CLXN: variants seen among roughly 807,000 people sequenced by gnomAD.
CLXN encodes calaxin.
chr8:48,721,347 T>C, the CLXN span, among the ~76,000 whole-genome samples: 6 of 151,642 alleles, frequency 4.0e-5, no homozygotes, highest in Non-Finnish European at 7.3e-5. Flanking sequence ...ATTCATGAAT[T>C]GGAAGAATTT....
the CLXN span, among the ~76,000 whole-genome samples, chr8:48,732,496 A>G: frequency 6.6e-6 from 1 of 152,196 alleles, no homozygotes; most frequent in African/African-American, 2.4e-5. Flanking sequence ...AGATTCAGCA[A>G]ATAAATAGTA....
chr8:48,715,478 ACC>A, the CLXN span: 3 of 152,160 alleles, frequency 2.0e-5, no homozygotes, highest in Non-Finnish European at 4.4e-5. Flanking sequence ...CTCATCTTCT[ACC>A]CTGGCACAGC....
At chr8:48,731,406 T>C in the CLXN span, 1 of 1,613,478 alleles carries the variant, frequency 6.2e-7, no homozygotes, top group East Asian at 2.2e-5. Flanking sequence ...TGTTTCGAAA[T>C]GCATTACGAT....
At chr8:48,731,515 A>C in the CLXN span, 1 of 1,578,758 alleles carries the variant, frequency 6.3e-7, no homozygotes, top group African/African-American at 1.4e-5. Context: ...TGAAATAATA[A>C]AATAGATATA....
At chr8:48,715,549 A>T in the CLXN span, 1 of 152,254 alleles carries the variant, frequency 6.6e-6, no homozygotes, top group Non-Finnish European at 1.5e-5. Context: ...AAAGGAGAGC[A>T]GAAGTCCAGT....
At chr8:48,734,805 C>T in the CLXN span, 20 of 402,562 alleles carry the variant, frequency 5.0e-5, no homozygotes, top group Non-Finnish European at 8.0e-5. Context: ...GCTAACATCA[C>T]ATGTTTCTAT....
At chr8:48,729,363 A>T in the CLXN span, among the ~76,000 whole-genome samples, 68 of 147,740 alleles carry the variant, frequency 4.6e-4, no homozygotes, top group South Asian at 6.5e-4. Context: ...CATCTCTATT[A>T]AAAAAAAAAA....
At chr8:48,719,775 A>G in the CLXN span, among the ~76,000 whole-genome samples, 1 of 152,200 alleles carries the variant, frequency 6.6e-6, no homozygotes, top group East Asian at 1.9e-4. Context: ...CCTCAACACA[A>G]GAAAGGCCAT....
chr8:48,719,706 A>G, the CLXN span, among the ~76,000 whole-genome samples: 1 of 152,244 alleles, frequency 6.6e-6, no homozygotes, highest in Non-Finnish European at 1.5e-5. Context: ...AGCATTTAAC[A>G]AAGTTCACCA....
chr8:48,726,759 A>T, the CLXN span, among the ~76,000 whole-genome samples: 1 of 143,064 alleles, frequency 7.0e-6, no homozygotes, highest in East Asian at 2.2e-4. Flanking sequence ...CCATCCATCC[A>T]TCTACCCACT....
chr8:48,724,812 A>C, the CLXN span: 1 of 1,609,416 alleles, frequency 6.2e-7, no homozygotes, highest in Non-Finnish European at 8.5e-7. Flanking sequence ...CTGTAAAAAA[A>C]GGTACTCAAT....
the CLXN span, among the ~76,000 whole-genome samples, chr8:48,725,374 G>A: frequency 2.6e-5 from 4 of 152,330 alleles, no homozygotes; most frequent in South Asian, 8.3e-4. Flanking sequence ...AAGAAGCTAG[G>A]TTTTAAGAAG....
the CLXN span, chr8:48,729,109 T>C: frequency 1.2e-6 from 2 of 1,613,562 alleles, no homozygotes; most frequent in East Asian, 4.5e-5. Context: ...AGCCAGTTCA[T>C]AGTCTGCAAA....
chr8:48,730,318 G>A, the CLXN span, among the ~76,000 whole-genome samples: 5,668 of 152,100 alleles, frequency 0.037, 340 homozygotes, highest in African/African-American at 0.13. Context: ...GTCTTCCTTC[G>A]CATAAATTAC....
the CLXN span, chr8:48,731,306 T>C: frequency 1.3e-6 from 2 of 1,546,788 alleles, no homozygotes; most frequent in South Asian, 1.3e-5. Context: ...TTTTTTCAGT[T>C]ATGGCTGGAT....
At chr8:48,721,209 A>T in the CLXN span, among the ~76,000 whole-genome samples, 1 of 152,190 alleles carries the variant, frequency 6.6e-6, no homozygotes, top group Non-Finnish European at 1.5e-5. Flanking sequence ...CTCATTCCTA[A>T]TAGCAGCAAA....
At chr8:48,729,624 G>T in the CLXN span, 1 of 1,165,680 alleles carries the variant, frequency 8.6e-7, no homozygotes, top group Non-Finnish European at 1.2e-6. Flanking sequence ...ATTTAAGCAA[G>T]CAGAGAACTG....
the CLXN span, chr8:48,729,293 G>T: frequency 1.6e-6 from 1 of 626,014 alleles, no homozygotes. Flanking sequence ...GGGAGGCTAA[G>T]GCGGGGTGAT....
At chr8:48,724,248 T>C in the CLXN span, 1 of 152,244 alleles carries the variant, frequency 6.6e-6, no homozygotes, top group Non-Finnish European at 1.5e-5. Flanking sequence ...ATCTTTCATC[T>C]CTCTAGATCT....
Sources: allele counts gnomAD v4.1 joint callset (sites outside exome capture counted in the v4.1 genomes callset), GRCh38; gene constraint gnomAD v4.1.1; transcripts MANE v1.5; gene names NCBI Gene and HGNC (gene_info 2026-07-23, HGNC 2026-07-21).